The following TCEA1 variants were observed in gnomAD, a reference collection of about 807,000 sequenced individuals.
TCEA1 encodes the protein transcription elongation factor A1.
Under a neutral mutation model 43.8 loss-of-function variants are expected in TCEA1, and 21 were observed. The ratio of observed to expected loss-of-function variants is 0.48; its 90% CI spans 0.34 to 0.69. TCEA1 has a LOEUF of 0.69. Among genes scored for constraint, TCEA1 ranks in the 30% least tolerant of loss-of-function variants. TCEA1 has a pLI of 0.01. For synonymous variants in TCEA1, 104 were observed against 117.5 expected (o/e 0.88, Z 0.75); for missense variants, 250 against 365.1 (o/e 0.68, Z 2.57).
intron 8 of TCEA1, chr8:53,973,660 A>G (rs1350052067): frequency 1.3e-5 from 7 of 558,542 alleles, no homozygotes; most frequent in Middle Eastern, 3.1e-4. Context: ...AGCAAAAAGA[A>G]GAAAAAGAAG....
chr8:53,971,514 G>A (rs940167923), intron 8 of TCEA1: 1 of 153,204 alleles, frequency 6.5e-6, no homozygotes, highest in Admixed American at 6.5e-5. Flanking sequence ...GGGAGGCTGA[G>A]GCAGAAGAAT....
chr8:53,982,614 A>AAAAG (rs1803548062), intron 7 of TCEA1, among the ~76,000 whole-genome samples: 2 of 114,800 alleles, frequency 1.7e-5, no homozygotes, highest in Admixed American at 8.2e-5. Flanking sequence ...ATTCCCCACC[A>AAAAG]AAAAAAAAAA....
chr8:53,995,983 C>CTA (rs1430517370), intron 3 of TCEA1, among the ~76,000 whole-genome samples: 1 of 152,154 alleles, frequency 6.6e-6, no homozygotes, highest in African/African-American at 2.4e-5. Flanking sequence ...CCCAAAGATG[C>CTA]TATAGTACTG....
At chr8:54,020,263 T>C (rs948082870) in intron 1 of TCEA1, among the ~76,000 whole-genome samples, 34 of 152,180 alleles carry the variant, frequency 2.2e-4, no homozygotes, top group African/African-American at 8.0e-4. Flanking sequence ...GAGAAAAATC[T>C]TCCAGTTTAA....
chr8:53,974,300 C>G (rs896774674), intron 8 of TCEA1: 4 of 152,264 alleles, frequency 2.6e-5, no homozygotes, highest in African/African-American at 9.7e-5. Context: ...AGCTACCTTT[C>G]AAGAATATGA....
rs778550218 is a variant in TCEA1 at position 54,022,156 on chromosome 8, C to A, written c.-31G>T. 1 of 1,602,140 alleles carries A rather than the reference C, an allele frequency of 6.2e-7. No homozygotes were observed. Reference sequence around the variant, plus strand: ...CGGCAGGTCTTCTCCGCGCCCACCCCGCTGGCAAGGGGAAGTGGGCGAAGC... The same window carrying A: ...CGGCAGGTCTTCTCCGCGCCCACCCAGCTGGCAAGGGGAAGTGGGCGAAGC... On this transcript the variant is annotated 5_prime_UTR_variant, in exon 1 of 10. Coordinates refer to ENST00000521604, the MANE Select transcript of TCEA1 (RefSeq NM_006756.4).
Position 53,968,005 on chromosome 8 carries a change from A to C in TCEA1, c.*99T>G. On this transcript the variant is annotated 3_prime_UTR_variant, in exon 10 of 10. Coordinates refer to ENST00000521604, the MANE Select transcript of TCEA1 (RefSeq NM_006756.4). Reference sequence around the variant, plus strand: ...CAAAGTCTAACCCAAGTTGCTTTAAAAATTTGATTTGCAGGAAAACTAGTT... The same window carrying C: ...CAAAGTCTAACCCAAGTTGCTTTAACAATTTGATTTGCAGGAAAACTAGTT... The C allele has an allele frequency of 8.6e-7, 1 of 1,163,978 alleles. No individual in the cohort carries two copies. 72.1% of individuals were successfully genotyped at this position (1,163,978 alleles called of 1,614,324 possible).
In TCEA1 at chr8:53,973,300, A is replaced by G. The variant is rs575121735; in HGVS notation, c.826-2837T>C. On this transcript the variant is annotated intron_variant, in intron 8 of 9. Transcript: ENST00000521604. ...GGGTTCCAGGTCTTAAAGAAAGTGC[A>G]AAGAGATGGTCAAGAACAAATTGAA... 333 of 523,718 alleles carry G rather than the reference A, an allele frequency of 6.4e-4. 1 individual carries two copies. Among genetic ancestry groups the G allele is most frequent in the Non-Finnish European group, 1.1e-3 (303 of 279,954 alleles). The allele number at this position is 523,718 out of a possible 1,614,324, so 32.4% of individuals were successfully genotyped here.
intron 1 of TCEA1, among the ~76,000 whole-genome samples, chr8:54,020,529 T>C (rs1431210648): frequency 1.3e-5 from 2 of 152,222 alleles, no homozygotes; most frequent in African/African-American, 4.8e-5. Context: ...GTATTTAGTG[T>C]TAACACTAAT....
At position 53,993,652 on chromosome 8, in the gene TCEA1, C is replaced by T. The variant is rs1803954662; in HGVS notation, c.320+16G>A. ...TATGACTTTCAATATAAATATATGT[C>T]TATACTGTGAAGTACCTTTCTTCTC... On this transcript the variant is annotated intron_variant, in intron 4 of 9. Transcript: ENST00000521604. The T allele has an allele frequency of 1.3e-6, 2 of 1,595,456 alleles. No individual in the cohort carries two copies. The highest frequency in any genetic ancestry group is 1.1e-5 in the South Asian group (1 of 89,140).
At chr8:54,010,051 A>AT in intron 2 of TCEA1, 1 of 194,340 alleles carries the variant, frequency 5.1e-6, no homozygotes, top group Non-Finnish European at 1.0e-5. Context: ...AAGAAAAAAA[A>AT]AGGGAGAGGA....
rs963722279 is a variant in TCEA1, at chr8:53,984,363, C to T, written c.678G>A (p.Glu226=). 5 of 1,597,564 alleles carry T rather than the reference C, an allele frequency of 3.1e-6. No individual in the cohort carries two copies. The highest frequency in any genetic ancestry group is 4.3e-6 in the Non-Finnish European group (5 of 1,173,854). The stretch of plus-strand genomic sequence containing the variant: ...AAACCTCAGATTCACACATACTCAC[C>T]TCTGCTGTCATTCTAGCAAATAAGT... ...PPDLFARMTA[E]EMASDELKEM... The change falls in exon 7 of 10, where the codon GAG becomes GAA. Residue 226 remains glutamate, a splice_region_variant and synonymous_variant. Coordinates refer to ENST00000521604, the MANE Select transcript of TCEA1 (RefSeq NM_006756.4).
Position 54,015,305 on chromosome 8 carries a change from G to T in TCEA1, c.64-4813C>A, listed in dbSNP as rs182896002. On this transcript the variant is annotated intron_variant, in intron 1 of 9. Transcript: ENST00000521604. Reference sequence around the variant, plus strand: ...CTGCCTCAGCCTCCCAAGCAGCTGGGACTACAGGCGCCCACCACCACGCCC... The same window carrying T: ...CTGCCTCAGCCTCCCAAGCAGCTGGTACTACAGGCGCCCACCACCACGCCC... Among the ~76,000 whole-genome samples the T allele has an allele frequency of 7.2e-4, 110 of 152,000 alleles. 1 individual carries two copies. In the East Asian group the frequency reaches 0.018, roughly 25 times the overall value.
intron 1 of TCEA1, among the ~76,000 whole-genome samples, chr8:54,017,914 G>C (rs371564536): frequency 1.3e-5 from 2 of 152,104 alleles, no homozygotes; most frequent in African/African-American, 4.8e-5. Flanking sequence ...GACTGCATGA[G>C]TTATACTACT....
chr8:53,979,240 T>C, intron 7 of TCEA1, 69 bp from the exon 8 acceptor site: 1 of 1,394,884 alleles, frequency 7.2e-7, no homozygotes, highest in Non-Finnish European at 9.6e-7. Flanking sequence ...GCTTTTATGC[T>C]CAATTAGCCT....
chr8:53,980,822 AG>A (rs767677800), intron 7 of TCEA1, among the ~76,000 whole-genome samples: 4 of 152,220 alleles, frequency 2.6e-5, no homozygotes, highest in Non-Finnish European at 5.9e-5. Context: ...AAGTTTAGTG[AG>A]GAAGGCATAT....
At position 53,999,947 on chromosome 8, in the gene TCEA1, A is replaced by C; in HGVS notation, c.230T>G (p.Leu77Ter). ...KSLIKSWKKL[L>*]DGPSTEKDLD... is the part of the protein sequence containing the mutation. ...ATGTAAGGGAAGATCAATGATACCT[A>C]ATAATTTTTTCCAGGATTTGATGAG... Residue 77 changes from leucine to a stop codon, truncating the protein, a stop_gained and splice_region_variant, in exon 3 of 10, where the codon TTA becomes TGA. Transcript: ENST00000521604. LOFTEE classifies it high-confidence loss of function. 6.4e-7 allele frequency: 1 copy of C among 1,563,412 alleles called. No homozygotes were observed. The highest frequency in any genetic ancestry group is 8.8e-7 in the Non-Finnish European group (1 of 1,140,680).
intron 8 of TCEA1, chr8:53,972,134 TGG>T (rs1803175632): frequency 3.4e-6 from 1 of 293,274 alleles, no homozygotes; most frequent in African/African-American, 2.3e-5. Context: ...TAACGGCAAG[TGG>T]CAGTGATGGT....
intron 7 of TCEA1, among the ~76,000 whole-genome samples, chr8:53,983,201 T>C (rs1803571097): frequency 2.0e-5 from 3 of 152,232 alleles, no homozygotes; most frequent in Non-Finnish European, 4.4e-5. Flanking sequence ...TACACTGTTT[T>C]CTTAGATGTA....
Sources: gnomAD v4.1 joint callset for allele counts (sites outside exome capture counted in the v4.1 genomes callset) on GRCh38, gnomAD v4.1.1 for gene constraint, MANE v1.5 for transcripts, NCBI Gene and HGNC (gene_info 2026-07-23, HGNC 2026-07-21) for gene names.